Variants in TNKS2 observed in about 807,000 individuals in gnomAD.
The protein encoded by TNKS2 is tankyrase 2, also known as poly [ADP-ribose] polymerase tankyrase-2.
Under a neutral mutation model 137.6 loss-of-function variants are expected in TNKS2, and 72 were observed. The observed-to-expected ratio is 0.52, with a 90% CI of 0.43 to 0.64. TNKS2 has a LOEUF of 0.64. Ranked by LOEUF, TNKS2 falls within the 30% of genes least tolerant of loss-of-function variation. TNKS2 has a pLI of 0.00. For missense variants in TNKS2, 1,049 were observed against 1,410.2 expected, an observed-to-expected ratio of 0.74 and a Z score of 4.10; for synonymous variants, 516 against 512.1, an observed-to-expected ratio of 1.01 and a Z score of -0.10.
At chr10:91,843,804 A>C (rs1345689090) in intron 16 of TNKS2, among the ~76,000 whole-genome samples, 1 of 152,224 alleles carries the variant, frequency 6.6e-6, no homozygotes, top group Admixed American at 6.5e-5. Context: ...ATTTCGTGTA[A>C]TGTGGGAGAT....
chr10:91,815,806 C>G (rs1844673818), intron 2 of TNKS2, among the ~76,000 whole-genome samples: 2 of 152,010 alleles, frequency 1.3e-5, no homozygotes, highest in Admixed American at 6.6e-5. Flanking sequence ...TGGAAATTCA[C>G]CCTATCAAAG....
chr10:91,807,448 A>G (rs1225322657), intron 1 of TNKS2: 4 of 1,612,750 alleles, frequency 2.5e-6, no homozygotes, highest in Non-Finnish European at 2.5e-6. Flanking sequence ...ATCGTGGCCT[A>G]GAGTGGAAAA....
At chr10:91,858,870 A>C (rs1294949251) in intron 24 of TNKS2, among the ~76,000 whole-genome samples, 1 of 152,140 alleles carries the variant, frequency 6.6e-6, no homozygotes, top group Non-Finnish European at 1.5e-5. Context: ...TTAGCCAGGC[A>C]TGGTGGTGTG....
In TNKS2 at chr10:91,845,805, G is replaced by A. The variant is rs556666783; in HGVS notation, c.2223G>A (p.Thr741=). 33 of 1,604,776 alleles carry A rather than the reference G, an allele frequency of 2.1e-5. No individual in the cohort carries two copies. Among genetic ancestry groups the A allele is most frequent in the South Asian group, 1.9e-4 (17 of 90,216 alleles). Residue 741 remains threonine, a synonymous_variant, in exon 18 of 27, where the codon ACG becomes ACA. Coordinates refer to ENST00000371627, the MANE Select transcript of TNKS2 (RefSeq NM_025235.4). ...LIKYNACVNA[T]DKWAFTPLHE... The stretch of plus-strand genomic sequence containing the variant: ...AGTATAATGCATGTGTCAATGCCAC[G>A]GACAAATGGGCTTTCACACCTTTGC...
chr10:91,799,407 A>G (rs1224553632), intron 1 of TNKS2, among the ~76,000 whole-genome samples: 1 of 152,202 alleles, frequency 6.6e-6, no homozygotes, highest in South Asian at 2.1e-4. Context: ...AGAATAGCCA[A>G]TCATTACCAA....
At chr10:91,850,132 G>A (rs990466131) in intron 20 of TNKS2, among the ~76,000 whole-genome samples, 22 of 152,060 alleles carry the variant, frequency 1.4e-4, no homozygotes, top group Non-Finnish European at 2.4e-4. Flanking sequence ...TTGGGAGGCC[G>A]AGGTGGGTGG....
chr10:91,798,903 G>C lies in TNKS2; in HGVS notation c.199+14G>C, dbSNP rs773708387. The C allele has an allele frequency of 7.3e-7, 1 of 1,376,808 alleles. No homozygotes were observed. Among genetic ancestry groups the C allele is most frequent in the Non-Finnish European group, 9.5e-7 (1 of 1,056,432 alleles). 85.3% of individuals were successfully genotyped at this position (1,376,808 alleles called of 1,614,324 possible). A position where few individuals can be genotyped will look rare whatever the true frequency, so the allele number is the denominator to read the frequency against. ...ACTTCGCCGCAGGTAACCGGGGCCA[G>C]CGTCCCCTCGCCTCGCTCCAGACCC... is the stretch of plus-strand genomic sequence containing the variant. On this transcript the variant is annotated intron_variant, in intron 1 of 26. Transcript: ENST00000371627.
chr10:91,811,645 C>T (rs1844511065), intron 1 of TNKS2, among the ~76,000 whole-genome samples: 1 of 152,130 alleles, frequency 6.6e-6, no homozygotes, highest in South Asian at 2.1e-4. Context: ...TTAGCTCTTC[C>T]ATCAGCTGCA....
chr10:91,825,350 A>T, intron 7 of TNKS2, among the ~76,000 whole-genome samples: 1 of 151,876 alleles, frequency 6.6e-6, no homozygotes, highest in Non-Finnish European at 1.5e-5. Flanking sequence ...CGATCCACCC[A>T]CCTCAGCCTC....
intron 2 of TNKS2, among the ~76,000 whole-genome samples, chr10:91,816,205 C>G (rs1306667492): frequency 6.6e-6 from 1 of 152,094 alleles, no homozygotes; most frequent in Admixed American, 6.5e-5. Context: ...GCCTCGGCCT[C>G]CCAAAGTGCT....
intron 21 of TNKS2, among the ~76,000 whole-genome samples, chr10:91,853,994 T>C (rs1297113904): frequency 6.6e-6 from 1 of 152,210 alleles, no homozygotes; most frequent in East Asian, 1.9e-4. Flanking sequence ...TAAAATTCCA[T>C]TTAAAAAGCT....
intron 1 of TNKS2, among the ~76,000 whole-genome samples, chr10:91,801,480 C>CT (rs34491076): frequency 0.34 from 49,448 of 147,528 alleles, 8,483 homozygotes; most frequent in South Asian, 0.53. Context: ...AGGAATTTTT[C>CT]TTTTTTTTTT....
At chr10:91,827,309 C>G in intron 8 of TNKS2, 106 bp downstream of exon 8, 1 of 989,738 alleles carries the variant, frequency 1.0e-6, no homozygotes, top group Non-Finnish European at 1.4e-6. Context: ...GAATATTTTT[C>G]TTAGCCATGG....
At chr10:91,812,627 C>A in intron 1 of TNKS2, 1 of 283,468 alleles carries the variant, frequency 3.5e-6, no homozygotes, top group African/African-American at 2.3e-5. Flanking sequence ...AAGTTTTATA[C>A]TTTGAACATC....
chr10:91,859,520 A>T lies in TNKS2; in HGVS notation c.3153A>T (p.Ile1051=). The T allele has an allele frequency of 6.2e-7, 1 of 1,613,974 alleles. No individual in the cohort carries two copies. Among genetic ancestry groups the T allele is most frequent in the South Asian group, 1.1e-5 (1 of 91,046 alleles). Residue 1051 remains isoleucine, a synonymous_variant, in exon 25 of 27, where the codon ATA becomes ATT. Transcript: ENST00000371627. Reference sequence around the variant, plus strand: ...GCTTTGATGAAAGGCATGCGTACATAGGTGGTATGTTTGGAGCTGGCATTT... The same window carrying T: ...GCTTTGATGAAAGGCATGCGTACATTGGTGGTATGTTTGGAGCTGGCATTT... ...HKGFDERHAY[I]GGMFGAGIYF... is the part of the protein sequence containing the mutation.
rs138769537 is a variant in TNKS2, at chr10:91,804,661, T to G, written c.199+5772T>G. On this transcript the variant is annotated intron_variant, in intron 1 of 26. Coordinates refer to ENST00000371627, the MANE Select transcript of TNKS2 (RefSeq NM_025235.4). Reference sequence around the variant, plus strand: ...TGCAGAGCATTTTTTCTTCCAGAAATTGGTGCTTAACAGAAGTACTTTGAA... The same window carrying G: ...TGCAGAGCATTTTTTCTTCCAGAAAGTGGTGCTTAACAGAAGTACTTTGAA... Among the ~76,000 whole-genome samples the G allele has an allele frequency of 3.1e-3, 479 of 152,336 alleles. 3 individuals carry two copies. The highest frequency in any genetic ancestry group is 0.011 in the African/African-American group (457 of 41,566).
intron 1 of TNKS2, among the ~76,000 whole-genome samples, chr10:91,807,925 G>T (rs923960358): frequency 5.1e-4 from 77 of 151,540 alleles, no homozygotes; most frequent in African/African-American, 1.8e-3. Flanking sequence ...GAACCCGGGA[G>T]GCAGAGCTTG....
At chr10:91,833,180 T>A (rs1408027215) in intron 11 of TNKS2, among the ~76,000 whole-genome samples, 1 of 152,196 alleles carries the variant, frequency 6.6e-6, no homozygotes, top group Non-Finnish European at 1.5e-5. Flanking sequence ...ATGGCAGAAG[T>A]AGTGCACAGT....
chr10:91,831,028 T>G lies in TNKS2; in HGVS notation c.1196+14T>G. On this transcript the variant is annotated intron_variant, in intron 10 of 26. Transcript: ENST00000371627. ...AAAGACTAAAGAGTAAGTATACATT[T>G]AATGATTAAATATCATTGAGATTTT... 3 of 1,610,110 alleles carry G rather than the reference T, an allele frequency of 1.9e-6. No individual in the cohort carries two copies. Among genetic ancestry groups the G allele is most frequent in the Non-Finnish European group, 2.5e-6 (3 of 1,176,696 alleles).
Sources: allele counts gnomAD v4.1 joint callset (sites outside exome capture counted in the v4.1 genomes callset), GRCh38; gene constraint gnomAD v4.1.1; transcripts MANE v1.5; gene names NCBI Gene and HGNC (gene_info 2026-07-23, HGNC 2026-07-21).